Variants in GPR107 observed in about 807,000 individuals in gnomAD.
GPR107 encodes protein GPR107.
Under a neutral mutation model 75.5 loss-of-function variants are expected in GPR107, and 31 were observed. The observed-to-expected ratio is 0.41, with a 90% CI of 0.31 to 0.55. The LOEUF is 0.55. Ranked by LOEUF, GPR107 falls within the 20% of genes least tolerant of loss-of-function variation. GPR107 has a pLI of 0.26. For synonymous variants in GPR107, 267 were observed against 251.3 expected (o/e 1.06, Z -0.59); for missense variants, 572 against 665.7 (o/e 0.86, Z 1.55).
chr9:130,070,730 T>C (rs1830183557), intron 1 of GPR107, among the ~76,000 whole-genome samples: 1 of 152,166 alleles, frequency 6.6e-6, no homozygotes, highest in African/African-American at 2.4e-5. Context: ...CTTTTTTTCT[T>C]TTTTTTGGAG....
chr9:130,106,612 TAAATA>T (rs751652782), intron 13 of GPR107, among the ~76,000 whole-genome samples: 43 of 93,574 alleles, frequency 4.6e-4, no homozygotes, highest in Admixed American at 7.8e-4. Flanking sequence ...AATAAATAAA[TAAATA>T]AATAATAATA....
intron 14 of GPR107, among the ~76,000 whole-genome samples, chr9:130,109,806 C>T (rs971350134): frequency 1.3e-5 from 2 of 150,732 alleles, no homozygotes; most frequent in African/African-American, 4.9e-5. Flanking sequence ...CCTGACCTCG[C>T]GATCCACCTG....
intron 1 of GPR107, 122 bp downstream of exon 1, chr9:130,054,195 C>T: frequency 2.0e-6 from 2 of 978,252 alleles, no homozygotes; most frequent in Non-Finnish European, 2.9e-6. Context: ...CTGGCTGCGG[C>T]CTTTCACTGA....
chr9:130,105,027 C>A (rs1478439486), intron 13 of GPR107, among the ~76,000 whole-genome samples: 1 of 152,182 alleles, frequency 6.6e-6, no homozygotes. Flanking sequence ...TTTAGATGCA[C>A]AGATTGTGCA....
intron 13 of GPR107, among the ~76,000 whole-genome samples, chr9:130,106,764 G>T (rs1334387756): frequency 1.3e-5 from 2 of 151,994 alleles, no homozygotes; most frequent in African/African-American, 4.8e-5. Context: ...AATTACGGAG[G>T]ATTTAGGAAG....
chr9:130,084,118 G>T (rs895785136), intron 6 of GPR107, among the ~76,000 whole-genome samples: 2 of 148,614 alleles, frequency 1.3e-5, no homozygotes, highest in African/African-American at 4.9e-5. Context: ...TCTACAGGGG[G>T]CCAGATGTGG....
At chr9:130,116,798 G>C (rs1831437254) in intron 14 of GPR107, among the ~76,000 whole-genome samples, 1 of 152,174 alleles carries the variant, frequency 6.6e-6, no homozygotes, top group Non-Finnish European at 1.5e-5. Context: ...GTGCTACTCT[G>C]AGGAGCTGTT....
intron 9 of GPR107, 45 bp from the exon 10 acceptor site, chr9:130,099,412 G>C (rs777670319): frequency 9.3e-7 from 1 of 1,078,774 alleles, no homozygotes; most frequent in South Asian, 1.3e-5. Context: ...CTGTCCTTTG[G>C]GAGAATGGAA....
intron 17 of GPR107, among the ~76,000 whole-genome samples, chr9:130,132,664 A>G (rs1212561930): frequency 6.6e-6 from 1 of 152,066 alleles, no homozygotes; most frequent in Non-Finnish European, 1.5e-5. Flanking sequence ...ACATGTACCT[A>G]TAATCCAGGT....
intron 1 of GPR107, among the ~76,000 whole-genome samples, chr9:130,066,318 A>T (rs902418714): frequency 6.6e-6 from 1 of 152,032 alleles, no homozygotes; most frequent in African/African-American, 2.4e-5. Flanking sequence ...TAAAAATAAA[A>T]ATAAATTTAA....
Position 130,121,590 on chromosome 9 carries a change from T to C in GPR107, c.1307-3325T>C, listed in dbSNP as rs533419729. Among the ~76,000 whole-genome samples, 8 of 152,356 alleles carry C rather than the reference T, an allele frequency of 5.3e-5. No individual in the cohort carries two copies. In the East Asian group the frequency reaches 5.8e-4, roughly 11 times the overall value. ...TTGAGCTACTTTTCCTTCCCTGATA[T>C]GTGCAGCTCTCTCACCTCTGAGCCT... On this transcript the variant is annotated intron_variant, in intron 14 of 17. Transcript: ENST00000347136.
At chr9:130,093,193 C>T (rs929210460) in intron 9 of GPR107, among the ~76,000 whole-genome samples, 2 of 139,274 alleles carry the variant, frequency 1.4e-5, no homozygotes, top group African/African-American at 5.3e-5. Context: ...CAAAGCCCAT[C>T]TGCCTGGCTT....
chr9:130,075,241 CTTTTTTTTTTTTT>C (rs149248581), intron 1 of GPR107, among the ~76,000 whole-genome samples: 1 of 76,738 alleles, frequency 1.3e-5, no homozygotes, highest in Non-Finnish European at 2.6e-5. Flanking sequence ...TTTCTTTTAC[CTTTTTTTTTTTTT>C]TTTTTTTTGA....
chr9:130,087,805 C>CAAAAAAAAA (rs35984705), intron 7 of GPR107, among the ~76,000 whole-genome samples: 37 of 87,622 alleles, frequency 4.2e-4, no homozygotes, highest in African/African-American at 1.6e-3. Flanking sequence ...GACCCTGTCT[C>CAAAAAAAAA]AAAAAAAAAA....
At position 130,135,339 on chromosome 9, in the gene GPR107, C is replaced by G. The variant is rs534915037; in HGVS notation, c.*218C>G. The G allele has an allele frequency of 1.0e-4, 34 of 326,778 alleles. No homozygotes were observed. Among genetic ancestry groups the G allele is most frequent in the East Asian group, 3.1e-4 (5 of 15,950 alleles). The allele number at this position is 326,778 out of a possible 1,614,324, so 20.2% of individuals were successfully genotyped here. On this transcript the variant is annotated 3_prime_UTR_variant, in exon 18 of 18. Transcript: ENST00000347136. ...AGAGGCAGCTGGATCCTCTTTCAGG[C>G]GGGAATGGGAGGGCGGGCACAGGGA...
At chr9:130,106,998 A>G (rs1205284926) in intron 13 of GPR107, among the ~76,000 whole-genome samples, 3 of 152,172 alleles carry the variant, frequency 2.0e-5, no homozygotes. Context: ...ACAGCCCCAG[A>G]CAGTGTCCCT....
Position 130,090,971 on chromosome 9 carries a change from A to G in GPR107, c.717A>G (p.Thr239=), listed in dbSNP as rs372730832. 1.1e-5 allele frequency: 16 copies of G among 1,433,850 alleles called. No homozygotes were observed. The highest frequency in any genetic ancestry group is 1.4e-5 in the African/African-American group (1 of 71,502). The allele number at this position is 1,433,850 out of a possible 1,614,324, so 88.8% of individuals were successfully genotyped here. Residue 239 remains threonine, a synonymous_variant, in exon 8 of 18, where the codon ACA becomes ACG. Coordinates refer to ENST00000347136, the MANE Select transcript of GPR107 (RefSeq NM_020960.5). ...AAGAATTGCCAAGTGACAAGTTTACATTCAGCCTTGATGTGAGTACTGTTT... is the reference window on the plus strand; with the variant it reads ...AAGAATTGCCAAGTGACAAGTTTACGTTCAGCCTTGATGTGAGTACTGTTT... ...LGKELPSDKF[T]FSLDIEITEK...
intron 1 of GPR107, among the ~76,000 whole-genome samples, chr9:130,070,158 G>A (rs867714299): frequency 4.7e-5 from 7 of 149,228 alleles, no homozygotes; most frequent in Admixed American, 1.3e-4. Flanking sequence ...CACCACACCC[G>A]GCTAATTTTT....
Position 130,094,845 on chromosome 9 carries a change from G to A in GPR107, c.863+2464G>A, listed in dbSNP as rs910863845. 5.9e-5 allele frequency among the ~76,000 whole-genome samples: 9 copies of A among 151,626 alleles called. No individual in the cohort carries two copies. In the South Asian group the frequency reaches 1.0e-3, roughly 18 times the overall value. ...ACAGGTGCCTGCCACCATGCCTGGC[G>A]AATTTTTGCATTTTTAGTAGAGACT... On this transcript the variant is annotated intron_variant, in intron 9 of 17. Transcript: ENST00000347136.
Sources: allele counts gnomAD v4.1 joint callset (sites outside exome capture counted in the v4.1 genomes callset), GRCh38; gene constraint gnomAD v4.1.1; transcripts MANE v1.5; gene names NCBI Gene and HGNC (gene_info 2026-07-23, HGNC 2026-07-21).